Variants in MORC1 observed in about 807,000 individuals in gnomAD.
MORC1 encodes the protein MORC family CW-type zinc finger protein 1.
In MORC1, 59 loss-of-function variants were observed where a neutral mutation model predicts 134.9. That is an observed-to-expected ratio of 0.44 (90% CI 0.35 to 0.54). The LOEUF is 0.54. MORC1 is among the 20% of genes least tolerant of loss of function. The probability of loss-of-function intolerance (pLI) is 0.00; values close to 1 mark genes in which losing one functional copy is unlikely to be tolerated. For missense variants in MORC1, 947 were observed against 1,134.5 expected, an observed-to-expected ratio of 0.83 and a Z score of 2.37; for synonymous variants, 395 against 391.7, an observed-to-expected ratio of 1.01 and a Z score of -0.10.
chr3:109,059,811 T>C lies in MORC1; in HGVS notation c.1026A>G (p.Lys342=), dbSNP rs1449162299. 2 of 1,611,716 alleles carry C rather than the reference T, an allele frequency of 1.2e-6. No individual in the cohort carries two copies. The highest frequency in any genetic ancestry group is 3.3e-5 in the Admixed American group (2 of 59,750). Residue 342 remains lysine, a synonymous_variant, in exon 12 of 28, where the codon AAA becomes AAG. Transcript: ENST00000232603. Reference sequence around the variant, plus strand: ...CAGAAAACCTTGTGTCTTACCTTTGTTTCTCTTTAAGATTCTTTTGCTTTG... The same window carrying C: ...CAGAAAACCTTGTGTCTTACCTTTGCTTCTCTTTAAGATTCTTTTGCTTTG... ...VEAKQKNLKE[K]QRELKTARTL...
chr3:109,103,327 C>A (rs926636517), intron 4 of MORC1, among the ~76,000 whole-genome samples: 3 of 152,136 alleles, frequency 2.0e-5, no homozygotes, highest in Admixed American at 2.0e-4. Context: ...AAAGATAAGT[C>A]ATGAAATATA....
intron 21 of MORC1, among the ~76,000 whole-genome samples, chr3:108,990,546 A>G (rs141120921): frequency 2.6e-3 from 392 of 152,238 alleles, no homozygotes; most frequent in African/African-American, 8.3e-3. Flanking sequence ...TGTTCATCAC[A>G]TGCAACACAG....
chr3:109,020,323 A>G (rs1437780793), intron 17 of MORC1, among the ~76,000 whole-genome samples: 1 of 152,236 alleles, frequency 6.6e-6, no homozygotes, highest in African/African-American at 2.4e-5. Context: ...AGCAAAGTTC[A>G]TGGACTAACG....
At chr3:109,097,730 T>C (rs540024147) in intron 6 of MORC1, among the ~76,000 whole-genome samples, 2 of 152,274 alleles carry the variant, frequency 1.3e-5, no homozygotes, top group East Asian at 3.9e-4. Context: ...GTGACAGTAA[T>C]ACACATAAAA....
At chr3:109,046,893 CT>C (rs1215394643) in intron 14 of MORC1, among the ~76,000 whole-genome samples, 3 of 151,960 alleles carry the variant, frequency 2.0e-5, no homozygotes, top group Non-Finnish European at 4.4e-5. Context: ...ATATACAGTA[CT>C]TTTTTTTCTT....
At chr3:108,972,243 A>G (rs956095364) in intron 24 of MORC1, among the ~76,000 whole-genome samples, 1 of 150,942 alleles carries the variant, frequency 6.6e-6, no homozygotes, top group East Asian at 1.9e-4. Context: ...TTCCTGGGAG[A>G]ATATGAGATC....
intron 9 of MORC1, among the ~76,000 whole-genome samples, chr3:109,067,412 C>T (rs1950221802): frequency 6.6e-6 from 1 of 152,154 alleles, no homozygotes; most frequent in African/African-American, 2.4e-5. Flanking sequence ...CCTCCAGAGA[C>T]AAATTTGTAC....
At chr3:108,977,506 G>A (rs933252961) in intron 24 of MORC1, among the ~76,000 whole-genome samples, 12 of 151,818 alleles carry the variant, frequency 7.9e-5, no homozygotes, top group African/African-American at 2.2e-4. Flanking sequence ...CATGAGCCAC[G>A]GTGCCTGGTG....
chr3:108,983,690 T>C (rs1947816648), intron 23 of MORC1, among the ~76,000 whole-genome samples: 1 of 152,158 alleles, frequency 6.6e-6, no homozygotes, highest in Non-Finnish European at 1.5e-5. Flanking sequence ...CAAATTACAA[T>C]ATAATCTCAT....
At chr3:109,041,102 G>C (rs1181741112) in intron 14 of MORC1, among the ~76,000 whole-genome samples, 1 of 151,242 alleles carries the variant, frequency 6.6e-6, no homozygotes, top group Non-Finnish European at 1.5e-5. Flanking sequence ...ACAAGGTCCA[G>C]AGATCAAGAC....
chr3:109,028,497 C>A (rs2107599735), intron 16 of MORC1, among the ~76,000 whole-genome samples: 1 of 152,156 alleles, frequency 6.6e-6, no homozygotes, highest in East Asian at 1.9e-4. Context: ...TGCTTTCCAG[C>A]CTTACAGATA....
chr3:108,990,111 T>C (rs914327445), intron 21 of MORC1, among the ~76,000 whole-genome samples: 1 of 152,194 alleles, frequency 6.6e-6, no homozygotes, highest in Non-Finnish European at 1.5e-5. Flanking sequence ...TCCACCACGA[T>C]TGGAGGCCTC....
Position 109,110,492 on chromosome 3 carries a change from A to G in MORC1, c.154+257T>C, listed in dbSNP as rs918034440. On this transcript the variant is annotated intron_variant, in intron 3 of 27. Transcript: ENST00000232603. Reference sequence around the variant, plus strand: ...ACTGTTTCTCATGGCAGGCAAATTGAGTGCTCCAAATCACTCTGATACATT... The same window carrying G: ...ACTGTTTCTCATGGCAGGCAAATTGGGTGCTCCAAATCACTCTGATACATT... 1.3e-5 allele frequency: 5 copies of G among 398,828 alleles called. No individual in the cohort carries two copies. The South Asian group carries it at 3.9e-4, about 31-fold the overall frequency. 24.7% of individuals were successfully genotyped at this position (398,828 alleles called of 1,614,324 possible).
intron 23 of MORC1, among the ~76,000 whole-genome samples, chr3:108,981,766 G>A (rs962400873): frequency 5.3e-5 from 8 of 152,252 alleles, no homozygotes; most frequent in African/African-American, 1.9e-4. Context: ...CATTAGTAAT[G>A]CATTTGATAA....
chr3:108,960,343 G>C (rs1217545498), intron 27 of MORC1, among the ~76,000 whole-genome samples: 1 of 152,160 alleles, frequency 6.6e-6, no homozygotes, highest in East Asian at 1.9e-4. Context: ...CTGCAGACAA[G>C]AGCAAAGCTT....
At chr3:109,084,669 C>T (rs114203770) in intron 8 of MORC1, among the ~76,000 whole-genome samples, 3,563 of 151,878 alleles carry the variant, frequency 0.023, 62 homozygotes, top group Non-Finnish European at 0.035. Flanking sequence ...TATATGGAAC[C>T]ACAGAAGACA....
intron 22 of MORC1, among the ~76,000 whole-genome samples, chr3:108,985,967 A>C (rs2107467734): frequency 6.6e-6 from 1 of 152,318 alleles, no homozygotes; most frequent in East Asian, 1.9e-4. Flanking sequence ...AATGGGTTCA[A>C]ACATAAAGTT....
intron 24 of MORC1, among the ~76,000 whole-genome samples, chr3:108,975,681 G>A: frequency 6.6e-6 from 1 of 152,136 alleles, no homozygotes; most frequent in African/African-American, 2.4e-5. Flanking sequence ...TAGGATTGTT[G>A]TAAGATGACT....
intron 20 of MORC1, 79 bp downstream of exon 20, chr3:109,004,738 A>C: frequency 1.5e-6 from 2 of 1,351,760 alleles, no homozygotes; most frequent in Non-Finnish European, 2.1e-6. Flanking sequence ...TAAAGCATTG[A>C]ATGCAAAACT....
Sources: gnomAD v4.1 joint callset for allele counts (sites outside exome capture counted in the v4.1 genomes callset) on GRCh38, gnomAD v4.1.1 for gene constraint, MANE v1.5 for transcripts, NCBI Gene and HGNC (gene_info 2026-07-23, HGNC 2026-07-21) for gene names.